DDAH1: variants seen among roughly 807,000 people sequenced by gnomAD.
DDAH1 encodes dimethylarginine dimethylaminohydrolase 1.
Under a neutral mutation model 28.8 loss-of-function variants are expected in DDAH1, and 19 were observed. The ratio of observed to expected loss-of-function variants is 0.66; its 90% CI spans 0.46 to 0.97. DDAH1 has a LOEUF of 0.97. DDAH1 is among the 50% of genes least tolerant of loss of function. DDAH1 has a pLI of 0.00. For synonymous variants in DDAH1, 153 were observed against 154.4 expected, an observed-to-expected ratio of 0.99 and a Z score of 0.07; for missense variants, 326 against 375.9, an observed-to-expected ratio of 0.87 and a Z score of 1.10.
chr1:85,519,254 G>C (rs541381048), intron 1 of DDAH1, among the ~76,000 whole-genome samples: 1 of 151,854 alleles, frequency 6.6e-6, no homozygotes, highest in East Asian at 1.9e-4. Context: ...CCACCAGGCC[G>C]GCGTAATTTT....
At chr1:85,322,703 C>T (rs1661403051) in intron 5 of DDAH1, among the ~76,000 whole-genome samples, 1 of 152,190 alleles carries the variant, frequency 6.6e-6, no homozygotes, top group African/African-American at 2.4e-5. Context: ...GTTACAAGGA[C>T]TGAATAAGAT....
intron 1 of DDAH1, among the ~76,000 whole-genome samples, chr1:85,501,193 G>A (rs1054209482): frequency 6.6e-5 from 10 of 152,114 alleles, no homozygotes; most frequent in South Asian, 2.1e-4. Flanking sequence ...GTTTTGTTAC[G>A]TTAATTTACT....
chr1:85,460,932 T>A (rs1425059171), intron 1 of DDAH1, among the ~76,000 whole-genome samples: 2 of 152,234 alleles, frequency 1.3e-5, no homozygotes, highest in Non-Finnish European at 1.5e-5. Flanking sequence ...TTTAGATTAT[T>A]TGTTTACATT....
At chr1:85,350,007 T>C (rs1649108858) in intron 4 of DDAH1, among the ~76,000 whole-genome samples, 1 of 152,154 alleles carries the variant, frequency 6.6e-6, no homozygotes, top group African/African-American at 2.4e-5. Flanking sequence ...TATTATGAAA[T>C]AGTCCAGACG....
intron 1 of DDAH1, among the ~76,000 whole-genome samples, chr1:85,513,344 A>G (rs990598654): frequency 6.6e-6 from 1 of 152,234 alleles, no homozygotes; most frequent in Non-Finnish European, 1.5e-5. Context: ...TTATACAAAA[A>G]TTAACTCAAG....
chr1:85,503,546 T>C (rs1266991211), intron 1 of DDAH1, among the ~76,000 whole-genome samples: 1 of 149,254 alleles, frequency 6.7e-6, no homozygotes, highest in Admixed American at 6.7e-5. Context: ...TCTATCTATC[T>C]ATCTATCTAT....
chr1:85,568,500 C>T (rs551230534), intron 1 of DDAH1, among the ~76,000 whole-genome samples: 1 of 152,146 alleles, frequency 6.6e-6, no homozygotes, highest in South Asian at 2.1e-4. Context: ...ACAGAAACCT[C>T]GCATCATTTC....
At chr1:85,363,930 C>G in intron 1 of DDAH1, among the ~76,000 whole-genome samples, 1 of 121,998 alleles carries the variant, frequency 8.2e-6, no homozygotes, top group East Asian at 2.4e-4. Context: ...TTTTTCAAAT[C>G]AGGCTACAAT....
Position 85,440,300 on chromosome 1 carries a change from G to A in DDAH1, c.303+24443C>T, listed in dbSNP as rs545419938. 7.6e-4 allele frequency among the ~76,000 whole-genome samples: 116 copies of A among 152,146 alleles called. 1 individual carries two copies. The Middle Eastern group carries it at 0.01, about 13-fold the overall frequency. On this transcript the variant is annotated intron_variant, in intron 1 of 5. Coordinates refer to ENST00000284031, the MANE Select transcript of DDAH1 (RefSeq NM_012137.4). The stretch of plus-strand genomic sequence containing the variant: ...TAAGGAAAAGTCTGATTTTTTTAGC[G>A]GGGTGAGCCCTGAGTCAGATCTTCA...
intron 1 of DDAH1, among the ~76,000 whole-genome samples, chr1:85,571,240 T>C (rs959281626): frequency 5.3e-5 from 8 of 152,204 alleles, no homozygotes; most frequent in African/African-American, 1.9e-4. Context: ...AAAGGGTCGG[T>C]CCCATCTGTA....
chr1:85,347,376 T>A (rs1363799646), intron 4 of DDAH1, among the ~76,000 whole-genome samples: 1 of 152,156 alleles, frequency 6.6e-6, no homozygotes, highest in African/African-American at 2.4e-5. Context: ...CAAATGTCCA[T>A]CAATGATAGA....
chr1:85,454,340 T>C (rs1307766973), intron 1 of DDAH1, among the ~76,000 whole-genome samples: 1 of 152,166 alleles, frequency 6.6e-6, no homozygotes, highest in African/African-American at 2.4e-5. Context: ...CATCACTAGT[T>C]TGCTGAATGG....
intron 1 of DDAH1, among the ~76,000 whole-genome samples, chr1:85,449,691 C>T (rs11801146): frequency 0.17 from 25,851 of 151,952 alleles, 2,440 homozygotes; most frequent in Middle Eastern, 0.25. Flanking sequence ...GAAGGGGTCT[C>T]TGAACCTGAA....
chr1:85,542,739 C>A (rs945114189), intron 1 of DDAH1, among the ~76,000 whole-genome samples: 1 of 152,222 alleles, frequency 6.6e-6, no homozygotes, highest in Non-Finnish European at 1.5e-5. Flanking sequence ...GACCTCCTGT[C>A]ATTTTCCATT....
chr1:85,491,936 T>C (rs1473825309), intron 2 of DDAH1, among the ~76,000 whole-genome samples: 1 of 152,202 alleles, frequency 6.6e-6, no homozygotes, highest in Non-Finnish European at 1.5e-5. Flanking sequence ...TCCTAATTTA[T>C]AAAATATGGC....
upstream of DDAH1, among the ~76,000 whole-genome samples, chr1:85,466,321 GCTTA>G (rs1248568326): frequency 6.6e-6 from 1 of 152,198 alleles, no homozygotes; most frequent in Non-Finnish European, 1.5e-5. Context: ...CACGATCTCG[GCTTA>G]CTTCAACTGC....
At chr1:85,473,093 A>G (rs955358658) in intron 2 of DDAH1, among the ~76,000 whole-genome samples, 1 of 152,216 alleles carries the variant, frequency 6.6e-6, no homozygotes, top group Non-Finnish European at 1.5e-5. Context: ...CATAGTGTAT[A>G]TGTACCACAT....
rs571082311 is a variant in DDAH1 at position 85,560,866 on chromosome 1, GT to G, written c.-123+17117del. Among the ~76,000 whole-genome samples, 12 of 151,782 alleles carry G rather than the reference GT, an allele frequency of 7.9e-5. No homozygotes were observed. The South Asian group carries it at 1.0e-3, about 13-fold the overall frequency. On this transcript the variant is annotated intron_variant, in intron 1 of 6. Transcript: ENST00000426972. ...TTAATATTAATGTATAAACATTAAG[GT>G]TTTTTTTCCTATTGATTCTACATTT...
chr1:85,410,330 TTA>T (rs1652591486), intron 1 of DDAH1, among the ~76,000 whole-genome samples: 1 of 150,690 alleles, frequency 6.6e-6, no homozygotes, highest in African/African-American at 2.4e-5. Flanking sequence ...GTAATAATGT[TTA>T]TCTCTTTTTG....
Sources: allele counts gnomAD v4.1 joint callset (sites outside exome capture counted in the v4.1 genomes callset), GRCh38; gene constraint gnomAD v4.1.1; transcripts MANE v1.5; gene names NCBI Gene and HGNC (gene_info 2026-07-23, HGNC 2026-07-21).